NKAIN2: variants seen among roughly 807,000 people sequenced by gnomAD.
NKAIN2 encodes the protein sodium/potassium transporting ATPase interacting 2, also known as sodium/potassium-transporting ATPase subunit beta-1-interacting protein 2.
NKAIN2 carries 14 observed loss-of-function variants against 32.6 expected under a neutral mutation model. That is an observed-to-expected ratio of 0.43 (90% CI 0.28 to 0.67). NKAIN2 has a LOEUF of 0.67. NKAIN2 is among the 30% of genes least tolerant of loss of function. NKAIN2 has a pLI of 0.17. For synonymous variants in NKAIN2, 80 were observed against 87.2 expected (o/e 0.92, Z 0.46); for missense variants, 198 against 258.3 (o/e 0.77, Z 1.60).
chr6:124,477,849 T>G (rs998822609), intron 3 of NKAIN2, among the ~76,000 whole-genome samples: 4 of 145,568 alleles, frequency 2.7e-5, no homozygotes, highest in Admixed American at 6.9e-5. Context: ...CTCTTCCTCT[T>G]CTTCCTCTCT....
intron 2 of NKAIN2, among the ~76,000 whole-genome samples, chr6:124,349,319 G>A (rs11154218): frequency 0.14 from 21,990 of 152,026 alleles, 2,009 homozygotes; most frequent in Admixed American, 0.26. Flanking sequence ...GGAACTTCCC[G>A]AGGCTCCACC....
chr6:124,597,349 C>T (rs1782132954), intron 3 of NKAIN2, among the ~76,000 whole-genome samples: 1 of 151,566 alleles, frequency 6.6e-6, no homozygotes, highest in Non-Finnish European at 1.5e-5. Context: ...ATATTTGGGA[C>T]ACACTTATAC....
chr6:124,177,619 T>C lies in NKAIN2; in HGVS notation c.55-105386T>C, dbSNP rs964952537. On this transcript the variant is annotated intron_variant, in intron 1 of 6. Coordinates refer to ENST00000368417, the MANE Select transcript of NKAIN2 (RefSeq NM_001040214.3). The stretch of plus-strand genomic sequence containing the variant: ...TTGTGTTTTACGTACATTGTTATGG[T>C]TGAAAGTTTTTTTTTCCCCAAAATC... Among the ~76,000 whole-genome samples the C allele has an allele frequency of 2.0e-5, 3 of 152,160 alleles. No individual in the cohort carries two copies. The East Asian group carries it at 5.8e-4, about 29-fold the overall frequency.
chr6:124,049,545 A>G (rs1782308895), intron 1 of NKAIN2, among the ~76,000 whole-genome samples: 1 of 152,122 alleles, frequency 6.6e-6, no homozygotes. Flanking sequence ...TGTTATGTGC[A>G]GTTTTACTTT....
At chr6:123,957,324 A>G (rs1313449833) in intron 1 of NKAIN2, among the ~76,000 whole-genome samples, 1 of 152,202 alleles carries the variant, frequency 6.6e-6, no homozygotes, top group East Asian at 1.9e-4. Context: ...TATCTTTTCA[A>G]AAATGGTCAC....
chr6:123,949,158 C>A (rs1035475424), intron 1 of NKAIN2, among the ~76,000 whole-genome samples: 1 of 152,008 alleles, frequency 6.6e-6, no homozygotes, highest in Non-Finnish European at 1.5e-5. Context: ...GTTTTGGTTA[C>A]TATAGCTTTG....
At chr6:124,004,872 A>T (rs1267484004) in intron 1 of NKAIN2, among the ~76,000 whole-genome samples, 1 of 150,558 alleles carries the variant, frequency 6.6e-6, no homozygotes, top group Non-Finnish European at 1.5e-5. Context: ...AAAAAAAAAA[A>T]AGTAATAATA....
intron 1 of NKAIN2, among the ~76,000 whole-genome samples, chr6:124,120,680 G>A (rs891001060): frequency 2.6e-5 from 4 of 152,084 alleles, no homozygotes; most frequent in Non-Finnish European, 5.9e-5. Context: ...AAATTAGATT[G>A]ATCTTGGACC....
At chr6:124,322,091 C>T (rs1222343895) in intron 2 of NKAIN2, among the ~76,000 whole-genome samples, 1 of 151,902 alleles carries the variant, frequency 6.6e-6, no homozygotes, top group Non-Finnish European at 1.5e-5. Flanking sequence ...ATAATTCCAA[C>T]CAAAAGATAA....
intron 1 of NKAIN2, among the ~76,000 whole-genome samples, chr6:124,208,345 T>G (rs1790998610): frequency 6.6e-6 from 1 of 151,906 alleles, no homozygotes; most frequent in Non-Finnish European, 1.5e-5. Context: ...ATTGTTAATG[T>G]TGTTCACATA....
At chr6:123,809,768 A>T (rs926154797) in intron 1 of NKAIN2, among the ~76,000 whole-genome samples, 1 of 152,138 alleles carries the variant, frequency 6.6e-6, no homozygotes, top group African/African-American at 2.4e-5. Flanking sequence ...TTATAGGAAT[A>T]TTCTAAGATT....
Position 123,810,937 on chromosome 6 carries a change from T to C in NKAIN2, c.54+6683T>C, listed in dbSNP as rs551862751. Reference sequence around the variant, plus strand: ...CTGCAGGATTTTTAAACATAGATTTTTGGGCCCTCTCCTAGAGTTTCTGAC... The same window carrying C: ...CTGCAGGATTTTTAAACATAGATTTCTGGGCCCTCTCCTAGAGTTTCTGAC... On this transcript the variant is annotated intron_variant, in intron 1 of 6. Transcript: ENST00000368417. 9.8e-5 allele frequency among the ~76,000 whole-genome samples: 15 copies of C among 152,328 alleles called. No individual in the cohort carries two copies. The South Asian group carries it at 1.0e-3, about 11-fold the overall frequency.
intron 2 of NKAIN2, among the ~76,000 whole-genome samples, chr6:124,304,755 A>C (rs1796440886): frequency 1.3e-5 from 2 of 152,124 alleles, no homozygotes; most frequent in African/African-American, 4.8e-5. Context: ...CTCTACTAAA[A>C]TACAAAAAAT....
intron 5 of NKAIN2, among the ~76,000 whole-genome samples, chr6:124,800,832 C>T (rs1780223151): frequency 6.6e-6 from 1 of 152,112 alleles, no homozygotes; most frequent in African/African-American, 2.4e-5. Context: ...GTAACATTTG[C>T]ATTTGCTTGT....
At chr6:124,393,587 A>G (rs1448745349) in intron 3 of NKAIN2, among the ~76,000 whole-genome samples, 3 of 152,154 alleles carry the variant, frequency 2.0e-5, no homozygotes, top group African/African-American at 4.8e-5. Flanking sequence ...AAAGCATTCT[A>G]TTACTAATGA....
intron 1 of NKAIN2, among the ~76,000 whole-genome samples, chr6:123,904,096 T>C (rs1774737520): frequency 1.3e-5 from 2 of 151,980 alleles, no homozygotes; most frequent in South Asian, 4.2e-4. Flanking sequence ...CCAGACGTGG[T>C]GGTGCATGCC....
intron 4 of NKAIN2, among the ~76,000 whole-genome samples, chr6:124,737,073 C>T (rs1483407392): frequency 6.6e-6 from 1 of 151,822 alleles, no homozygotes; most frequent in Non-Finnish European, 1.5e-5. Context: ...AAAGTTTCAA[C>T]ATTAATAGAA....
intron 1 of NKAIN2, among the ~76,000 whole-genome samples, chr6:124,231,716 T>C (rs1792470439): frequency 6.6e-6 from 1 of 152,160 alleles, no homozygotes; most frequent in East Asian, 1.9e-4. Flanking sequence ...CTGCCATGAT[T>C]GCGAGGCCTC....
intron 1 of NKAIN2, among the ~76,000 whole-genome samples, chr6:124,199,280 T>C (rs1022424569): frequency 6.6e-6 from 1 of 152,154 alleles, no homozygotes; most frequent in South Asian, 2.1e-4. Context: ...TAGTTGTAAG[T>C]TTCCTTCTAA....
Sources: allele counts gnomAD v4.1 joint callset (sites outside exome capture counted in the v4.1 genomes callset), GRCh38; gene constraint gnomAD v4.1.1; transcripts MANE v1.5; gene names NCBI Gene and HGNC (gene_info 2026-07-23, HGNC 2026-07-21).